Variants in GLI3 observed in about 807,000 individuals in gnomAD.
GLI3 encodes the protein GLI family zinc finger 3.
In GLI3, 20 loss-of-function variants were observed where a neutral mutation model predicts 100.8. The ratio of observed to expected loss-of-function variants is 0.20; its 90% CI spans 0.14 to 0.29. The LOEUF (loss-of-function observed/expected upper bound fraction) is 0.29. Ranked by LOEUF, GLI3 falls within the 10% of genes least tolerant of loss-of-function variation. GLI3 has a pLI of 1.00. For missense variants in GLI3, 2,040 were observed against 2,128.5 expected (o/e 0.96, Z 0.82); for synonymous variants, 938 against 860.5 (o/e 1.09, Z -1.58).
At chr7:42,009,881 C>T (rs1244427256) in intron 10 of GLI3, among the ~76,000 whole-genome samples, 1 of 152,204 alleles carries the variant, frequency 6.6e-6, no homozygotes, top group Non-Finnish European at 1.5e-5. Context: ...CCCACAGCAT[C>T]CTCTCTGTGG....
At chr7:42,236,695 AC>A (rs1396855441) in intron 1 of GLI3, among the ~76,000 whole-genome samples, 1 of 152,172 alleles carries the variant, frequency 6.6e-6, no homozygotes, top group African/African-American at 2.4e-5. Context: ...ACTGCGGCAA[AC>A]TTCGTCCCCC....
chr7:42,243,093 T>C (rs1303723955), intron 1 of GLI3, among the ~76,000 whole-genome samples: 1 of 152,020 alleles, frequency 6.6e-6, no homozygotes, highest in Non-Finnish European at 1.5e-5. Context: ...CAGAAAAAAC[T>C]ACAGCAAAGC....
intron 3 of GLI3, chr7:42,113,555 C>A: frequency 2.5e-6 from 3 of 1,182,036 alleles, no homozygotes; most frequent in Non-Finnish European, 3.7e-6. Context: ...GGGGAATAAC[C>A]CTACAGAAAA....
intron 1 of GLI3, among the ~76,000 whole-genome samples, chr7:42,253,689 T>A (rs1192430505): frequency 6.6e-6 from 1 of 152,236 alleles, no homozygotes; most frequent in Non-Finnish European, 1.5e-5. Flanking sequence ...CCCAGCTTTC[T>A]CATCTGTAAG....
Position 42,257,438 on chromosome 7 carries a change from G to A in GLI3, c.-43+6556C>T, listed in dbSNP as rs538092046. On this transcript the variant is annotated intron_variant, in intron 1 of 2. Transcript: ENST00000678978. ...TGGCTCACTGCAAGCTCCGCCTCCC[G>A]GGTTCATGCCATTCTCCTGCCTCAG... Among the ~76,000 whole-genome samples, 3 of 148,348 alleles carry A rather than the reference G, an allele frequency of 2.0e-5. No homozygotes were observed. In the South Asian group the frequency reaches 6.5e-4, roughly 32 times the overall value.
upstream of GLI3, among the ~76,000 whole-genome samples, chr7:42,242,707 A>G (rs1479536494): frequency 6.6e-6 from 1 of 152,196 alleles, no homozygotes; most frequent in Non-Finnish European, 1.5e-5. Context: ...CTTCCTTAGA[A>G]GATGGTTTAC....
chr7:42,071,151 T>TA (rs764817141), intron 4 of GLI3, among the ~76,000 whole-genome samples: 5 of 152,144 alleles, frequency 3.3e-5, no homozygotes, highest in Non-Finnish European at 7.4e-5. Context: ...TGCAAAGAAA[T>TA]ACACAGATCG....
intron 10 of GLI3, among the ~76,000 whole-genome samples, chr7:42,004,335 A>G (rs1788389993): frequency 6.6e-6 from 1 of 152,218 alleles, no homozygotes. Context: ...CTGATATTTA[A>G]CAAGATAAAA....
intron 13 of GLI3, among the ~76,000 whole-genome samples, chr7:41,969,623 GT>G: frequency 6.6e-6 from 1 of 152,326 alleles, no homozygotes; most frequent in South Asian, 2.1e-4. Context: ...TGAGGTACTT[GT>G]TTCCAGAGTT....
chr7:42,247,651 A>G (rs1054432524), intron 1 of GLI3, among the ~76,000 whole-genome samples: 16 of 152,168 alleles, frequency 1.1e-4, no homozygotes, highest in Admixed American at 1.0e-3. Context: ...TGAAAGCCCA[A>G]GTGTTAGGAG....
At chr7:42,193,702 T>G (rs1156679736) in intron 2 of GLI3, among the ~76,000 whole-genome samples, 1 of 152,164 alleles carries the variant, frequency 6.6e-6, no homozygotes, top group African/African-American at 2.4e-5. Context: ...TGTGGTTTTC[T>G]CATGGTTTCC....
chr7:42,066,011 G>A (rs530993627), intron 4 of GLI3, among the ~76,000 whole-genome samples: 2 of 152,290 alleles, frequency 1.3e-5, no homozygotes, highest in East Asian at 1.9e-4. Flanking sequence ...ACAGCGGATC[G>A]AAGCCATGGA....
chr7:42,157,279 A>G (rs915940872), intron 2 of GLI3, among the ~76,000 whole-genome samples: 16 of 152,226 alleles, frequency 1.1e-4, no homozygotes, highest in Non-Finnish European at 1.9e-4. Context: ...CCACCTTTTG[A>G]TTCTTCACAA....
intron 2 of GLI3, among the ~76,000 whole-genome samples, chr7:42,209,205 C>A (rs1007454193): frequency 6.6e-6 from 1 of 152,110 alleles, no homozygotes; most frequent in Non-Finnish European, 1.5e-5. Flanking sequence ...AGCCACCATG[C>A]CCAGCTAATT....
chr7:42,235,504 A>C (rs1788771978), intron 1 of GLI3, among the ~76,000 whole-genome samples: 1 of 152,148 alleles, frequency 6.6e-6, no homozygotes, highest in Admixed American at 6.5e-5. Flanking sequence ...TTTCCACCAG[A>C]CACATATTTC....
chr7:42,262,951 C>CTT (rs11299942), intron 1 of GLI3, among the ~76,000 whole-genome samples: 2 of 147,640 alleles, frequency 1.4e-5, no homozygotes, highest in Non-Finnish European at 1.5e-5. Context: ...AATATCTGCA[C>CTT]TTTTTTTTTT....
intron 1 of GLI3, among the ~76,000 whole-genome samples, chr7:42,262,013 C>CTTT: frequency 7.6e-6 from 1 of 131,652 alleles, no homozygotes; most frequent in Non-Finnish European, 1.6e-5. Context: ...TTCTTTCTTT[C>CTTT]CTTCCTCTCT....
In GLI3 at chr7:42,078,658, C is replaced by G. The variant is rs190148118; in HGVS notation, c.368-1801G>C. On this transcript the variant is annotated intron_variant, in intron 3 of 14. Transcript: ENST00000395925. ...TCTTGTATCACTGTCACTGTAGTAT[C>G]GTGATATACAACAATGCTGAAAATT... Among the ~76,000 whole-genome samples the G allele has an allele frequency of 2.7e-5, 4 of 150,766 alleles. No individual in the cohort carries two copies. The East Asian group carries it at 7.8e-4, about 29-fold the overall frequency.
At chr7:41,981,409 G>T (rs569254313) in intron 10 of GLI3, among the ~76,000 whole-genome samples, 15 of 152,212 alleles carry the variant, frequency 9.9e-5, no homozygotes, top group Admixed American at 3.3e-4. Flanking sequence ...AGCCAGGCTT[G>T]CATGTCTGCC....
Sources: allele counts gnomAD v4.1 joint callset (sites outside exome capture counted in the v4.1 genomes callset), GRCh38; gene constraint gnomAD v4.1.1; transcripts MANE v1.5; gene names NCBI Gene and HGNC (gene_info 2026-07-23, HGNC 2026-07-21).